The following CATSPERB variants were observed in gnomAD, a reference collection of about 807,000 sequenced individuals.
CATSPERB encodes the protein cation channel sperm-associated auxiliary subunit beta.
CATSPERB carries 93 observed loss-of-function variants against 128.3 expected under a neutral mutation model. The observed-to-expected ratio is 0.72, with a 90% confidence interval of 0.61 to 0.86. The LOEUF (loss-of-function observed/expected upper bound fraction) is 0.86, where lower values mean the gene tolerates loss of function less well. Ranked by LOEUF, CATSPERB falls within the 40% of genes least tolerant of loss-of-function variation. The pLI is 0.00. For missense variants in CATSPERB, 1,153 were observed against 1,329.5 expected, an observed-to-expected ratio of 0.87 and a Z score of 2.06; for synonymous variants, 381 against 448.8, an observed-to-expected ratio of 0.85 and a Z score of 1.91.
At chr14:91,690,350 C>G (rs1415801147) in intron 10 of CATSPERB, among the ~76,000 whole-genome samples, 2 of 151,932 alleles carry the variant, frequency 1.3e-5, no homozygotes, top group Non-Finnish European at 2.9e-5. Flanking sequence ...AAGTGCATAC[C>G]TTGTGTCAGG....
At chr14:91,679,131 G>A (rs1204595075) in intron 11 of CATSPERB, among the ~76,000 whole-genome samples, 2 of 152,216 alleles carry the variant, frequency 1.3e-5, no homozygotes, top group African/African-American at 4.8e-5. Flanking sequence ...TTATTTAGAT[G>A]TCTGGGTCAT....
chr14:91,621,240 A>G (rs887389315), intron 19 of CATSPERB, among the ~76,000 whole-genome samples: 1 of 152,074 alleles, frequency 6.6e-6, no homozygotes, highest in Non-Finnish European at 1.5e-5. Context: ...TGTCTCTACT[A>G]AAAATACAAA....
intron 14 of CATSPERB, among the ~76,000 whole-genome samples, chr14:91,662,098 G>A (rs1351280076): frequency 2.6e-5 from 4 of 151,900 alleles, no homozygotes; most frequent in Admixed American, 2.0e-4. Flanking sequence ...TGTGTGAACT[G>A]AAAACCTATG....
chr14:91,730,083 G>A (rs1352888944), intron 1 of CATSPERB, among the ~76,000 whole-genome samples: 1 of 152,066 alleles, frequency 6.6e-6, no homozygotes, highest in Non-Finnish European at 1.5e-5. Context: ...TCCATTATGG[G>A]CTCAATTTTC....
chr14:91,596,741 C>T (rs1893513024), intron 22 of CATSPERB, among the ~76,000 whole-genome samples: 1 of 152,062 alleles, frequency 6.6e-6, no homozygotes, highest in Admixed American at 6.6e-5. Flanking sequence ...GCTATGTATA[C>T]AAATATAGCC....
chr14:91,708,327 T>C lies in CATSPERB; in HGVS notation c.371-91A>G, dbSNP rs576360467. On this transcript the variant is annotated intron_variant, in intron 5 of 26. Transcript: ENST00000256343. Reference sequence around the variant, plus strand: ...GATATGTGAACATTACCAACAATGATAGCCTTTCCTTTTCCAACCATTTTG... The same window carrying C: ...GATATGTGAACATTACCAACAATGACAGCCTTTCCTTTTCCAACCATTTTG... The C allele has an allele frequency of 2.1e-4, 155 of 752,386 alleles. 1 individual carries two copies. The highest frequency in any genetic ancestry group is 1.8e-3 in the South Asian group (108 of 59,180). The allele number at this position is 752,386 out of a possible 1,614,324, so 46.6% of individuals were successfully genotyped here. A position where few individuals can be genotyped will look rare whatever the true frequency, so the allele number is the denominator to read the frequency against.
At chr14:91,635,040 T>A (rs1894347687) in intron 17 of CATSPERB, among the ~76,000 whole-genome samples, 1 of 152,018 alleles carries the variant, frequency 6.6e-6, no homozygotes, top group Non-Finnish European at 1.5e-5. Context: ...GATGGTGTCT[T>A]CTACGTGTGT....
At chr14:91,692,505 T>C (rs753731592) in intron 9 of CATSPERB, among the ~76,000 whole-genome samples, 2 of 152,190 alleles carry the variant, frequency 1.3e-5, no homozygotes, top group Non-Finnish European at 2.9e-5. Flanking sequence ...CTCAGGTATA[T>C]GTGAATATTC....
intron 22 of CATSPERB, chr14:91,605,450 G>A (rs1893683508): frequency 2.2e-6 from 1 of 458,110 alleles, no homozygotes; most frequent in South Asian, 3.6e-5. Flanking sequence ...CAAGAGGTTG[G>A]GATGAAGTGA....
intron 15 of CATSPERB, among the ~76,000 whole-genome samples, chr14:91,641,485 T>C (rs1177295658): frequency 6.6e-6 from 1 of 152,130 alleles, no homozygotes; most frequent in East Asian, 1.9e-4. Context: ...CCATTGCTTG[T>C]TTTTCTCAGG....
intron 5 of CATSPERB, 53 bp downstream of exon 5, chr14:91,719,365 T>A: frequency 2.4e-6 from 3 of 1,261,236 alleles, no homozygotes; most frequent in Non-Finnish European, 3.3e-6. Flanking sequence ...TTGTTCTTTT[T>A]ATTTGATAAA....
chr14:91,704,443 A>T, intron 7 of CATSPERB, 109 bp downstream of exon 7: 1 of 1,165,556 alleles, frequency 8.6e-7, no homozygotes, highest in Admixed American at 2.5e-5. Context: ...ATTTTTAGGA[A>T]ACAATTTTCC....
chr14:91,616,729 T>TC (rs34626665), intron 20 of CATSPERB, among the ~76,000 whole-genome samples: 58,472 of 97,820 alleles, frequency 0.6, 19,220 homozygotes, highest in East Asian at 0.84. Flanking sequence ...TTTAAAGTAT[T>TC]CCCCTTTTTT....
intron 20 of CATSPERB, among the ~76,000 whole-genome samples, chr14:91,614,294 CA>C (rs1893892897): frequency 2.0e-5 from 3 of 151,268 alleles, no homozygotes; most frequent in Admixed American, 2.0e-4. Context: ...CTCTAGGGCT[CA>C]CACTTTTATC....
At chr14:91,593,927 A>T (rs1361173695) in intron 22 of CATSPERB, among the ~76,000 whole-genome samples, 3 of 152,128 alleles carry the variant, frequency 2.0e-5, no homozygotes, top group Non-Finnish European at 1.5e-5. Context: ...GGTCTTTCCC[A>T]TGCTATTCTC....
Position 91,704,467 on chromosome 14 carries a change from T to C in CATSPERB, c.616+85A>G, listed in dbSNP as rs1032912977. 3.1e-5 allele frequency: 43 copies of C among 1,387,772 alleles called. No homozygotes were observed. The Admixed American group carries it at 4.5e-4, about 15-fold the overall frequency. The allele number at this position is 1,387,772 out of a possible 1,614,324, so 86.0% of individuals were successfully genotyped here. ...AAACAATTTTCCTTCCCTATGTCTA[T>C]GCATTTATTTCTGCTGCCAGTTAAA... On this transcript the variant is annotated intron_variant, in intron 7 of 26. Transcript: ENST00000256343.
At position 91,691,523 on chromosome 14, in the gene CATSPERB, C is replaced by T; in HGVS notation, c.864G>A (p.Arg288=). Reference sequence around the variant, plus strand: ...CCCTGGGAAATATAAAGCTTCTTACCCTTTCAAAACCACAAAAGTCTGCCC... The same window carrying T: ...CCCTGGGAAATATAAAGCTTCTTACTCTTTCAAAACCACAAAAGTCTGCCC... ...FSRADFCGFE[R]VDYVKGKLWY... Residue 288 remains arginine, a splice_region_variant and synonymous_variant, in exon 10 of 27, where the codon AGG becomes AGA. Transcript: ENST00000256343. The T allele has an allele frequency of 6.2e-7, 1 of 1,601,410 alleles. No individual in the cohort carries two copies. Among genetic ancestry groups the T allele is most frequent in the Non-Finnish European group, 8.5e-7 (1 of 1,173,792 alleles).
In CATSPERB at chr14:91,699,363, A is replaced by G. The variant is rs554228104; in HGVS notation, c.616+5189T>C. On this transcript the variant is annotated intron_variant, in intron 7 of 26. Coordinates refer to ENST00000256343, the MANE Select transcript of CATSPERB (RefSeq NM_024764.4). ...CCTTTCCCCCACATCCATACTGCCC[A>G]AAACTATCTATAGATTCAATGCAAT... Among the ~76,000 whole-genome samples, 456 of 152,260 alleles carry G rather than the reference A, an allele frequency of 3.0e-3. 2 individuals are homozygous for G. Among genetic ancestry groups the G allele is most frequent in the Non-Finnish European group, 5.0e-3 (339 of 68,024 alleles).
At chr14:91,705,794 C>T (rs1895722937) in intron 6 of CATSPERB, among the ~76,000 whole-genome samples, 1 of 152,222 alleles carries the variant, frequency 6.6e-6, no homozygotes, top group African/African-American at 2.4e-5. Flanking sequence ...TACACTCTTC[C>T]TCACCAGACC....
Sources: gnomAD v4.1 joint callset for allele counts (sites outside exome capture counted in the v4.1 genomes callset) on GRCh38, gnomAD v4.1.1 for gene constraint, MANE v1.5 for transcripts, NCBI Gene and HGNC (gene_info 2026-07-23, HGNC 2026-07-21) for gene names.